NDRG1: variants seen among roughly 807,000 people sequenced by gnomAD.
NDRG1 encodes N-myc downstream regulated 1.
In NDRG1, 32 loss-of-function variants were observed where a neutral mutation model predicts 56.9. The ratio of observed to expected loss-of-function variants is 0.56; its 90% CI spans 0.42 to 0.76. The LOEUF is 0.76. Among genes scored for constraint, NDRG1 ranks in the 30% least tolerant of loss-of-function variants. The pLI is 0.00. For synonymous variants in NDRG1, 211 were observed against 204.1 expected (o/e 1.03, Z -0.29); for missense variants, 507 against 545.7 (o/e 0.93, Z 0.71).
intron 2 of NDRG1, 125 bp downstream of exon 2, chr8:133,284,124 C>G: frequency 1.2e-6 from 1 of 843,436 alleles, no homozygotes. Context: ...CGTGTGTATG[C>G]TGTATACATG....
At chr8:133,248,216 G>A (rs772479605) in intron 11 of NDRG1, among the ~76,000 whole-genome samples, 99 of 152,282 alleles carry the variant, frequency 6.5e-4, no homozygotes, top group Middle Eastern at 6.8e-3. Flanking sequence ...AATCAAGACC[G>A]AAACAAGAAC....
At position 133,238,555 on chromosome 8, in the gene NDRG1, A is replaced by C; in HGVS notation, c.*323T>G. ...GGGCGGCCTAGGCTTGGCTTTGTGA[A>C]GTGTGTGCTGCTACGCGTCTTGTTT... On this transcript the variant is annotated 3_prime_UTR_variant, in exon 16 of 16. Coordinates refer to ENST00000323851, the MANE Select transcript of NDRG1 (RefSeq NM_006096.4). 1 of 406,214 alleles carries C rather than the reference A, an allele frequency of 2.5e-6. No homozygotes were observed. The highest frequency in any genetic ancestry group is 3.9e-5 in the East Asian group (1 of 25,408). 25.2% of individuals were successfully genotyped at this position (406,214 alleles called of 1,614,324 possible). A position where few individuals can be genotyped will look rare whatever the true frequency, so the allele number is the denominator to read the frequency against.
At chr8:133,253,672 G>A (rs921622546) in intron 9 of NDRG1, among the ~76,000 whole-genome samples, 2 of 152,170 alleles carry the variant, frequency 1.3e-5, no homozygotes, top group Non-Finnish European at 2.9e-5. Flanking sequence ...TACATAAAAT[G>A]GAATACTTCT....
At chr8:133,289,112 T>C (rs1858292177) in intron 1 of NDRG1, among the ~76,000 whole-genome samples, 1 of 152,160 alleles carries the variant, frequency 6.6e-6, no homozygotes, top group Non-Finnish European at 1.5e-5. Flanking sequence ...GACAGGGTCT[T>C]GCTATGTTGC....
chr8:133,279,736 C>T (rs944020794), intron 3 of NDRG1, among the ~76,000 whole-genome samples: 4 of 152,226 alleles, frequency 2.6e-5, no homozygotes, highest in Admixed American at 6.5e-5. Flanking sequence ...GAGCCCAGCC[C>T]GTTCTCCTGA....
intron 13 of NDRG1, 131 bp downstream of exon 13, chr8:133,246,485 T>G (rs1855685859): frequency 1.0e-6 from 1 of 998,632 alleles, no homozygotes; most frequent in Non-Finnish European, 1.6e-6. Context: ...CATAAACAGA[T>G]AGATTAAATC....
At chr8:133,290,525 A>T (rs1858372959) in intron 1 of NDRG1, among the ~76,000 whole-genome samples, 1 of 152,192 alleles carries the variant, frequency 6.6e-6, no homozygotes, top group Admixed American at 6.5e-5. Context: ...AGGTTAAAGC[A>T]ACCTTAAAGG....
intron 1 of NDRG1, among the ~76,000 whole-genome samples, chr8:133,286,615 G>T (rs940492365): frequency 1.3e-5 from 2 of 152,132 alleles, no homozygotes; most frequent in Non-Finnish European, 2.9e-5. Flanking sequence ...GAGCTGGTGG[G>T]GCCTTCTCTG....
intron 3 of NDRG1, among the ~76,000 whole-genome samples, chr8:133,274,122 T>G (rs982083917): frequency 3.0e-4 from 45 of 152,228 alleles, no homozygotes; most frequent in African/African-American, 1.1e-3. Flanking sequence ...ACCAATCACT[T>G]TGCCCGAACA....
At chr8:133,282,241 A>T (rs1196608064) in intron 2 of NDRG1, among the ~76,000 whole-genome samples, 4 of 152,216 alleles carry the variant, frequency 2.6e-5, no homozygotes, top group Non-Finnish European at 5.9e-5. Flanking sequence ...CACTTCTGAG[A>T]ACTTTTTTCT....
intron 13 of NDRG1, among the ~76,000 whole-genome samples, chr8:133,245,608 G>C (rs1051834967): frequency 3.9e-5 from 6 of 152,144 alleles, no homozygotes; most frequent in African/African-American, 1.4e-4. Flanking sequence ...CCAGAAGCTG[G>C]AAGAGGCAGG....
At chr8:133,293,165 T>TG (rs1858522193) in intron 1 of NDRG1, among the ~76,000 whole-genome samples, 1 of 152,200 alleles carries the variant, frequency 6.6e-6, no homozygotes, top group Admixed American at 6.5e-5. Context: ...CGCCTTCCTG[T>TG]GGGGCCTCAG....
chr8:133,247,099 G>C (rs1855729191), intron 12 of NDRG1, among the ~76,000 whole-genome samples: 2 of 152,186 alleles, frequency 1.3e-5, no homozygotes, highest in Admixed American at 6.5e-5. Context: ...CATTTTGTCA[G>C]TGAACCTCTT....
Position 133,247,607 on chromosome 8 carries a change from T to A in NDRG1, c.807+268A>T. The stretch of plus-strand genomic sequence containing the variant: ...TGGCCAGGAAGCCAAGTGGCAAACA[T>A]GCCCATATAAACAAGCCGATGGGAC... On this transcript the variant is annotated intron_variant, in intron 12 of 15. Coordinates refer to ENST00000323851, the MANE Select transcript of NDRG1 (RefSeq NM_006096.4). Among the ~76,000 whole-genome samples the A allele has an allele frequency of 1.3e-5, 2 of 152,124 alleles. 1 individual carries two copies. The highest frequency in any genetic ancestry group is 6.3e-3 in the Middle Eastern group (2 of 316).
At chr8:133,245,623 A>G (rs1855630695) in intron 13 of NDRG1, among the ~76,000 whole-genome samples, 1 of 152,154 alleles carries the variant, frequency 6.6e-6, no homozygotes, top group Non-Finnish European at 1.5e-5. Context: ...GGCAGGCAGC[A>G]TTCTCCCCTA....
intron 3 of NDRG1, among the ~76,000 whole-genome samples, chr8:133,276,335 T>C (rs983089516): frequency 6.6e-6 from 1 of 152,228 alleles, no homozygotes; most frequent in African/African-American, 2.4e-5. Context: ...TGAGGAATTA[T>C]CTTCGCAGGG....
In NDRG1 at chr8:133,283,067, G is replaced by C. The variant is rs551740059; in HGVS notation, c.63+1182C>G. On this transcript the variant is annotated intron_variant, in intron 2 of 15. Transcript: ENST00000323851. ...AGAGCAGCCACATGTAGAGTCATAA[G>C]GAAATTAAATGAACAGTCTATTCAC... Among the ~76,000 whole-genome samples, 351 of 152,362 alleles carry C rather than the reference G, an allele frequency of 2.3e-3. 3 individuals are homozygous for C. Among genetic ancestry groups the C allele is most frequent in the Non-Finnish European group, 3.8e-3 (257 of 68,040 alleles).
At chr8:133,244,448 T>C (rs568094767) in intron 13 of NDRG1, 58 bp from the exon 14 acceptor site, 104 of 1,608,240 alleles carry the variant, frequency 6.5e-5, no homozygotes, top group Non-Finnish European at 8.4e-5. Flanking sequence ...CTCTGCGCTC[T>C]ATGAATTTTT....
intron 10 of NDRG1, among the ~76,000 whole-genome samples, 195 bp downstream of exon 10, chr8:133,250,245 C>T (rs975776493): frequency 6.6e-5 from 10 of 152,174 alleles, no homozygotes; most frequent in Admixed American, 2.6e-4. Flanking sequence ...CCCTGCAAGG[C>T]GAGCTGAATG....
Sources: gnomAD v4.1 joint callset for allele counts (sites outside exome capture counted in the v4.1 genomes callset) on GRCh38, gnomAD v4.1.1 for gene constraint, MANE v1.5 for transcripts, NCBI Gene and HGNC (gene_info 2026-07-23, HGNC 2026-07-21) for gene names.